Variants in ACER1 observed in about 807,000 individuals in gnomAD.
ACER1 encodes the protein alkaline ceramidase 1, also known as CTB-180A7.3.
ACER1 carries 28 observed loss-of-function variants against 24.9 expected under a neutral mutation model. The observed-to-expected ratio is 1.13, with a 90% CI of 0.83 to 1.54. The LOEUF is 1.54. Ranked by LOEUF, ACER1 falls within the 40% of genes most tolerant of loss-of-function variation. ACER1 has a pLI of 0.00. For synonymous variants in ACER1, 132 were observed against 131.4 expected (o/e 1.00, Z -0.03); for missense variants, 352 against 349.3 (o/e 1.01, Z -0.06).
upstream of ACER1, among the ~76,000 whole-genome samples, chr19:6,334,494 G>C (rs2091705090): frequency 6.6e-6 from 1 of 152,088 alleles, no homozygotes; most frequent in Non-Finnish European, 1.5e-5. Flanking sequence ...ACTGGCACCT[G>C]CCACCATGCC....
At chr19:6,308,435 C>CAA (rs11343156) in intron 4 of ACER1, among the ~76,000 whole-genome samples, 7 of 103,906 alleles carry the variant, frequency 6.7e-5, no homozygotes, top group African/African-American at 2.2e-4. Context: ...GACTCCGTCT[C>CAA]AAAAAAAAAA....
intron 1 of ACER1, among the ~76,000 whole-genome samples, chr19:6,321,503 CGCCT>C (rs1021290426): frequency 1.3e-5 from 2 of 152,150 alleles, no homozygotes; most frequent in Non-Finnish European, 2.9e-5. Flanking sequence ...CACATCCCAC[CGCCT>C]GGCATCTTGT....
the ACER1 span, among the ~76,000 whole-genome samples, chr19:6,340,368 GAAGGAAGA>G: frequency 7.9e-5 from 8 of 101,894 alleles, no homozygotes; most frequent in South Asian, 1.3e-3. Flanking sequence ...AGGAAGGAAG[GAAGGAAGA>G]AAAACAGAAC....
At chr19:6,313,499 C>T (rs775836114) in intron 1 of ACER1, among the ~76,000 whole-genome samples, 17 of 152,316 alleles carry the variant, frequency 1.1e-4, no homozygotes, top group South Asian at 2.1e-4. Flanking sequence ...TCCCAGCCTT[C>T]GCTGCAGTTC....
At chr19:6,330,221 G>C (rs2091680631) in intron 1 of ACER1, among the ~76,000 whole-genome samples, 1 of 149,162 alleles carries the variant, frequency 6.7e-6, no homozygotes, top group African/African-American at 2.6e-5. Context: ...AGGCTGGAGT[G>C]CAATGGCGTG....
At chr19:6,333,628 G>A (rs879112699), upstream of ACER1, 82 of 1,300,276 alleles carry the variant, frequency 6.3e-5, no homozygotes, top group South Asian at 9.1e-4. Flanking sequence ...GCCCTGATGA[G>A]GCGGGGAGAG....
intron 3 of ACER1, among the ~76,000 whole-genome samples, chr19:6,310,036 C>T (rs938488996): frequency 3.3e-5 from 5 of 150,472 alleles, no homozygotes; most frequent in African/African-American, 1.2e-4. Context: ...CTGAGGTGGG[C>T]GGATCACCTG....
At chr19:6,335,099 T>A (rs1284715492), upstream of ACER1, among the ~76,000 whole-genome samples, 1 of 146,006 alleles carries the variant, frequency 6.8e-6, no homozygotes, top group Admixed American at 6.9e-5. Flanking sequence ...TTATATAATA[T>A]TTTAAATATT....
chr19:6,334,483 G>A (rs1251099779), upstream of ACER1, among the ~76,000 whole-genome samples: 6 of 151,904 alleles, frequency 3.9e-5, no homozygotes, highest in Non-Finnish European at 8.8e-5. Flanking sequence ...TAGCTGGGAT[G>A]ACTGGCACCT....
At chr19:6,309,620 C>G in intron 4 of ACER1, 77 bp downstream of exon 4, 1 of 1,583,238 alleles carries the variant, frequency 6.3e-7, no homozygotes, top group Non-Finnish European at 8.6e-7. Context: ...AGGGACGTCC[C>G]CTCCGCGAGC....
chr19:6,324,035 C>G (rs986818129), intron 1 of ACER1, among the ~76,000 whole-genome samples: 1 of 152,006 alleles, frequency 6.6e-6, no homozygotes, highest in Non-Finnish European at 1.5e-5. Context: ...CTGATCTCCT[C>G]ATTTCTCTCT....
At chr19:6,333,430 G>T (rs145335284) in intron 1 of ACER1, 29 bp downstream of exon 1, 2 of 1,530,894 alleles carry the variant, frequency 1.3e-6, no homozygotes, top group African/African-American at 2.7e-5. Context: ...GGCATCTGGC[G>T]AGACTCCTTC....
chr19:6,341,190 T>G, the ACER1 span, among the ~76,000 whole-genome samples: 9 of 146,526 alleles, frequency 6.1e-5, no homozygotes, highest in East Asian at 2.1e-3. Context: ...AACCTCCACC[T>G]CCAGGGTTCA....
the ACER1 span, among the ~76,000 whole-genome samples, chr19:6,345,783 T>TC: frequency 3.3e-5 from 5 of 151,872 alleles, no homozygotes; most frequent in Admixed American, 1.3e-4. Context: ...CAGACTGGTC[T>TC]CCAACTCCTG....
intron 5 of ACER1, 58 bp downstream of exon 5, chr19:6,307,095 T>G: frequency 6.2e-7 from 1 of 1,603,446 alleles, no homozygotes; most frequent in Non-Finnish European, 8.5e-7. Flanking sequence ...TACTCCGAGC[T>G]TTGGCATCTA....
chr19:6,309,649 G>T, intron 4 of ACER1, 48 bp downstream of exon 4: 1 of 1,610,618 alleles, frequency 6.2e-7, no homozygotes, highest in East Asian at 2.2e-5. Flanking sequence ...AGGGGTGCTA[G>T]GAGGGGGATG....
chr19:6,326,315 A>T (rs112682297), intron 1 of ACER1, among the ~76,000 whole-genome samples: 2,658 of 151,684 alleles, frequency 0.018, 82 homozygotes, highest in African/African-American at 0.06. Context: ...TTTAGTAGAG[A>T]CGGGGTTTCA....
At chr19:6,327,519 C>G (rs1328862461) in intron 1 of ACER1, among the ~76,000 whole-genome samples, 2 of 151,740 alleles carry the variant, frequency 1.3e-5, no homozygotes. Flanking sequence ...GAGCCGAGAT[C>G]AGGCCACTGC....
chr19:6,358,958 G>A, the ACER1 span, among the ~76,000 whole-genome samples: 5 of 124,284 alleles, frequency 4.0e-5, no homozygotes, highest in African/African-American at 7.5e-5. Context: ...AAAGAGTCCA[G>A]CTGGGCATGA....
Sources: allele counts gnomAD v4.1 joint callset (sites outside exome capture counted in the v4.1 genomes callset), GRCh38; gene constraint gnomAD v4.1.1; transcripts MANE v1.5; gene names NCBI Gene and HGNC (gene_info 2026-07-23, HGNC 2026-07-21).